Variants in DAB1 observed in about 807,000 individuals in gnomAD.
DAB1 encodes DAB adaptor protein 1.
Under a neutral mutation model 64.6 loss-of-function variants are expected in DAB1, and 15 were observed. The ratio of observed to expected loss-of-function variants is 0.23; its 90% confidence interval spans 0.16 to 0.36. The LOEUF is 0.36. Ranked by LOEUF, DAB1 falls within the 10% of genes least tolerant of loss-of-function variation. The pLI is 1.00. For missense variants in DAB1, 596 were observed against 706.7 expected (o/e 0.84, Z 1.78); for synonymous variants, 235 against 251.9 (o/e 0.93, Z 0.64).
At chr1:58,492,435 T>C (rs1206742047) in intron 3 of DAB1, among the ~76,000 whole-genome samples, 2 of 151,874 alleles carry the variant, frequency 1.3e-5, no homozygotes, top group South Asian at 2.1e-4. Context: ...CTGAAGGAAA[T>C]AGAGACACAA....
intron 4 of DAB1, among the ~76,000 whole-genome samples, chr1:57,119,798 A>T (rs1343851755): frequency 6.6e-6 from 1 of 152,140 alleles, no homozygotes; most frequent in Non-Finnish European, 1.5e-5. Context: ...ACCCCCTTCC[A>T]GATTAAATTA....
Position 58,359,034 on chromosome 1 carries a change from A to G in DAB1, n.258-15631T>C, listed in dbSNP as rs1009910254. On this transcript the variant is annotated intron_variant and non_coding_transcript_variant, in intron 3 of 20. Coordinates refer to the DAB1 transcript ENST00000485760. ...AAGAGAGAAAGTGAGCTTGAGATCTATAATTTAGCAAAACACTTGGGTAGG... is the reference window on the plus strand; with the variant it reads ...AAGAGAGAAAGTGAGCTTGAGATCTGTAATTTAGCAAAACACTTGGGTAGG... Among the ~76,000 whole-genome samples the G allele has an allele frequency of 6.6e-5, 10 of 152,012 alleles. No individual in the cohort carries two copies. In the South Asian group the frequency reaches 1.9e-3, roughly 28 times the overall value.
At chr1:57,216,433 C>T (rs923254781) in intron 2 of DAB1, among the ~76,000 whole-genome samples, 15 of 152,174 alleles carry the variant, frequency 9.9e-5, no homozygotes, top group Middle Eastern at 6.8e-3. Flanking sequence ...CTATAAAGTA[C>T]GGGAAAAGTT....
At chr1:58,214,995 G>C (rs999066574) in intron 4 of DAB1, among the ~76,000 whole-genome samples, 1 of 152,160 alleles carries the variant, frequency 6.6e-6, no homozygotes, top group Non-Finnish European at 1.5e-5. Context: ...GCCTCTATCA[G>C]AGAAGTCAAT....
chr1:57,319,113 C>G (rs543881693), intron 1 of DAB1, among the ~76,000 whole-genome samples: 1 of 152,298 alleles, frequency 6.6e-6, no homozygotes, highest in South Asian at 2.1e-4. Flanking sequence ...ATTGAACCAC[C>G]TTGTCTTTTT....
Position 57,695,277 on chromosome 1 carries a change from G to GGAGAGAGA in DAB1, n.552-45613_552-45612insTCTCTCTC, listed in dbSNP as rs1458324973. 3.5e-4 allele frequency among the ~76,000 whole-genome samples: 26 copies of GGAGAGAGA among 74,808 alleles called. 4 individuals are homozygous for GGAGAGAGA. The highest frequency in any genetic ancestry group is 9.1e-4 in the African/African-American group (17 of 18,602). 49.1% of individuals were successfully genotyped at this position (74,808 alleles called of 152,430 possible). ...AGAAAGAAGGAAGGAAGGAAGGAAG[G>GGAGAGAGA]AAGGAAGAAAGGGAGAGAGAAGGAA... On this transcript the variant is annotated intron_variant and non_coding_transcript_variant, in intron 6 of 20. Transcript: ENST00000485760.
intron 7 of DAB1, among the ~76,000 whole-genome samples, chr1:57,492,871 C>T (rs567009843): frequency 1.3e-5 from 2 of 152,266 alleles, no homozygotes; most frequent in South Asian, 4.1e-4. Flanking sequence ...AAATAATCAT[C>T]CCCCTTTGCC....
intron 4 of DAB1, among the ~76,000 whole-genome samples, chr1:58,309,338 T>A (rs775946796): frequency 1.3e-5 from 2 of 152,132 alleles, no homozygotes; most frequent in Non-Finnish European, 2.9e-5. Context: ...ACCCTTCCCA[T>A]GGGCCGCTTG....
intron 7 of DAB1, among the ~76,000 whole-genome samples, chr1:57,576,613 C>G (rs898957206): frequency 6.6e-6 from 1 of 152,088 alleles, no homozygotes. Context: ...GTCCACACCT[C>G]GATTTTGGAT....
intron 4 of DAB1, among the ~76,000 whole-genome samples, chr1:58,172,845 A>G (rs907938543): frequency 1.3e-5 from 2 of 152,260 alleles, no homozygotes; most frequent in African/African-American, 4.8e-5. Context: ...AGAAGAATAA[A>G]TGTATATACA....
chr1:57,070,198 A>G (rs1651315383), intron 7 of DAB1, among the ~76,000 whole-genome samples: 1 of 152,196 alleles, frequency 6.6e-6, no homozygotes. Context: ...CTAAGCATTT[A>G]TATAAAATAC....
At chr1:57,148,366 C>T (rs984161858) in intron 2 of DAB1, among the ~76,000 whole-genome samples, 1 of 152,174 alleles carries the variant, frequency 6.6e-6, no homozygotes, top group African/African-American at 2.4e-5. Flanking sequence ...GTATGAAGGG[C>T]ACTTATGCAG....
chr1:58,340,487 G>A (rs1360596885), intron 4 of DAB1, among the ~76,000 whole-genome samples: 1 of 152,154 alleles, frequency 6.6e-6, no homozygotes, highest in African/African-American at 2.4e-5. Context: ...ATATGATGAG[G>A]TCATTAGAAC....
intron 7 of DAB1, among the ~76,000 whole-genome samples, chr1:57,447,448 AT>A (rs1382124214): frequency 8.5e-5 from 13 of 152,216 alleles, no homozygotes; most frequent in Non-Finnish European, 1.3e-4. Flanking sequence ...TACTGCCCAC[AT>A]GAGATAGAAA....
At chr1:58,366,396 G>A (rs916709429) in intron 3 of DAB1, among the ~76,000 whole-genome samples, 4 of 152,196 alleles carry the variant, frequency 2.6e-5, no homozygotes, top group African/African-American at 9.7e-5. Context: ...AGAATCTTCT[G>A]ATTTTATGGT....
intron 4 of DAB1, among the ~76,000 whole-genome samples, chr1:58,276,917 C>G (rs1661459743): frequency 6.6e-6 from 1 of 151,926 alleles, no homozygotes; most frequent in African/African-American, 2.4e-5. Flanking sequence ...GGGTGTGAAC[C>G]CTCTTTGTTA....
chr1:57,915,078 A>G (rs1234058272), intron 5 of DAB1, among the ~76,000 whole-genome samples: 1 of 151,720 alleles, frequency 6.6e-6, no homozygotes, highest in Non-Finnish European at 1.5e-5. Context: ...AGACAAATAG[A>G]TAAGTAGATA....
intron 7 of DAB1, among the ~76,000 whole-genome samples, chr1:57,511,957 T>C (rs115830421): frequency 0.011 from 1,675 of 152,290 alleles, 35 homozygotes; most frequent in African/African-American, 0.038. Flanking sequence ...ACTGATTTTT[T>C]AAAGCACTTA....
intron 9 of DAB1, among the ~76,000 whole-genome samples, chr1:57,045,954 T>C (rs1285918924): frequency 6.6e-6 from 1 of 152,154 alleles, no homozygotes; most frequent in Non-Finnish European, 1.5e-5. Context: ...TCGGCATAAG[T>C]AGAGAAGCAA....
Sources: gnomAD v4.1 joint callset for allele counts (sites outside exome capture counted in the v4.1 genomes callset) on GRCh38, gnomAD v4.1.1 for gene constraint, MANE v1.5 for transcripts, NCBI Gene and HGNC (gene_info 2026-07-23, HGNC 2026-07-21) for gene names.